FNIP2: variants seen among roughly 807,000 people sequenced by gnomAD.
The protein encoded by FNIP2 is folliculin-interacting protein 2.
Under a neutral mutation model 108.7 loss-of-function variants are expected in FNIP2, and 32 were observed. The ratio of observed to expected loss-of-function variants is 0.29; its 90% CI spans 0.22 to 0.40. FNIP2 has a LOEUF of 0.40. FNIP2 is among the 10% of genes least tolerant of loss of function. The pLI is 1.00. For missense variants in FNIP2, 1,202 were observed against 1,381.6 expected (o/e 0.87, Z 2.06); for synonymous variants, 480 against 496.7 (o/e 0.97, Z 0.45).
At chr4:158,823,335 G>A (rs977302355) in intron 1 of FNIP2, among the ~76,000 whole-genome samples, 2 of 151,952 alleles carry the variant, frequency 1.3e-5, no homozygotes, top group East Asian at 1.9e-4. Flanking sequence ...GTGCGATCTC[G>A]GCTCACTGCA....
chr4:158,862,727 C>G (rs956383897), intron 12 of FNIP2, among the ~76,000 whole-genome samples: 13 of 152,206 alleles, frequency 8.5e-5, no homozygotes, highest in Non-Finnish European at 1.3e-4. Flanking sequence ...TCAGAACATG[C>G]CTAACTCATT....
intron 1 of FNIP2, among the ~76,000 whole-genome samples, chr4:158,814,295 C>T (rs1044843435): frequency 1.3e-5 from 2 of 152,176 alleles, no homozygotes; most frequent in East Asian, 3.8e-4. Flanking sequence ...TGATTTTAGT[C>T]CTGACTTAGC....
chr4:158,886,483 G>A (rs1188631114), intron 14 of FNIP2, among the ~76,000 whole-genome samples: 1 of 152,152 alleles, frequency 6.6e-6, no homozygotes, highest in African/African-American at 2.4e-5. Context: ...GAAGGTGCCG[G>A]GCTGGCAGCT....
chr4:158,844,814 T>G (rs1312312740), intron 7 of FNIP2, among the ~76,000 whole-genome samples: 1 of 152,256 alleles, frequency 6.6e-6, no homozygotes, highest in African/African-American at 2.4e-5. Context: ...AGCAAAAATT[T>G]TTTTTCAGAG....
At chr4:158,828,989 A>G in intron 2 of FNIP2, 90 bp from the exon 3 acceptor site, 8 of 1,105,836 alleles carry the variant, frequency 7.2e-6, no homozygotes, top group Non-Finnish European at 1.0e-5. Flanking sequence ...AGGCACCAGA[A>G]TGCTTTTAAA....
intron 14 of FNIP2, among the ~76,000 whole-genome samples, chr4:158,887,121 G>A (rs1260439330): frequency 6.6e-6 from 1 of 152,126 alleles, no homozygotes; most frequent in Non-Finnish European, 1.5e-5. Context: ...TAGTTCCCAT[G>A]CCCAAACTCC....
At chr4:158,904,323 C>A (rs931393339) in intron 16 of FNIP2, 143 bp from the exon 17 acceptor site, 2 of 669,860 alleles carry the variant, frequency 3.0e-6, no homozygotes, top group Non-Finnish European at 5.0e-6. Context: ...ATCCTTCCAT[C>A]TGTTTTGCTT....
At chr4:158,801,105 G>T (rs536562633) in intron 1 of FNIP2, among the ~76,000 whole-genome samples, 2 of 152,070 alleles carry the variant, frequency 1.3e-5, no homozygotes, top group South Asian at 2.1e-4. Context: ...AGCTAACTTT[G>T]TGTGGATTAA....
chr4:158,829,659 T>C (rs1466304399), intron 3 of FNIP2, among the ~76,000 whole-genome samples: 1 of 152,022 alleles, frequency 6.6e-6, no homozygotes, highest in Non-Finnish European at 1.5e-5. Context: ...CAAGATCTAA[T>C]CTGAGTATGA....
intron 1 of FNIP2, among the ~76,000 whole-genome samples, chr4:158,785,932 T>C (rs1400731390): frequency 2.0e-5 from 3 of 152,358 alleles, no homozygotes; most frequent in Middle Eastern, 3.4e-3. Context: ...CGTCTCTCTT[T>C]AGTAAATTAT....
At chr4:158,846,451 A>G (rs1779410387) in intron 7 of FNIP2, among the ~76,000 whole-genome samples, 1 of 152,204 alleles carries the variant, frequency 6.6e-6, no homozygotes, top group African/African-American at 2.4e-5. Flanking sequence ...CACGTTAAGT[A>G]AACTGCTGGC....
chr4:158,864,590 A>G (rs140897548), intron 12 of FNIP2, among the ~76,000 whole-genome samples: 405 of 152,028 alleles, frequency 2.7e-3, no homozygotes, highest in African/African-American at 9.4e-3. Context: ...TTCTGTCTAT[A>G]TAGTCCCCTA....
intron 8 of FNIP2, 45 bp from the exon 9 acceptor site, chr4:158,859,012 A>G (rs1780141219): frequency 6.6e-7 from 1 of 1,509,024 alleles, no homozygotes; most frequent in East Asian, 2.3e-5. Context: ...CTTCAGTGTG[A>G]CTCACTGATG....
At chr4:158,827,450 T>G (rs1195087396) in intron 2 of FNIP2, among the ~76,000 whole-genome samples, 2 of 152,182 alleles carry the variant, frequency 1.3e-5, no homozygotes, top group African/African-American at 4.8e-5. Context: ...TAGGCTTTCT[T>G]AGAAGCATTC....
chr4:158,875,527 T>TATATAA (rs1560823566), intron 14 of FNIP2, among the ~76,000 whole-genome samples: 1 of 139,190 alleles, frequency 7.2e-6, no homozygotes, highest in East Asian at 2.0e-4. Context: ...TATATATATA[T>TATATAA]ATATATATAT....
At chr4:158,773,723 C>T (rs897185569) in intron 1 of FNIP2, among the ~76,000 whole-genome samples, 1 of 152,070 alleles carries the variant, frequency 6.6e-6, no homozygotes, top group Admixed American at 6.6e-5. Context: ...TTTTCACTTG[C>T]ATATTAGTTT....
intron 1 of FNIP2, among the ~76,000 whole-genome samples, chr4:158,770,717 A>G (rs1775669224): frequency 6.6e-6 from 1 of 152,184 alleles, no homozygotes; most frequent in Non-Finnish European, 1.5e-5. Flanking sequence ...GTACCTTCTC[A>G]GAATGGTAGA....
At position 158,872,247 on chromosome 4, in the gene FNIP2, C is replaced by T. The variant is rs1780994655; in HGVS notation, c.2949+1778C>T. ...CTATTGATTGATAACCCTCCTTGAA[C>T]TTATCTGTAAAACCATTCATGAAAT... On this transcript the variant is annotated intron_variant, in intron 14 of 16. Transcript: ENST00000264433. The T allele has an allele frequency of 3.0e-6, 3 of 985,312 alleles. No individual in the cohort carries two copies. The African/African-American group carries it at 5.2e-5, about 17-fold the overall frequency. 61.0% of individuals were successfully genotyped at this position (985,312 alleles called of 1,614,324 possible). A position where few individuals can be genotyped will look rare whatever the true frequency, so the allele number is the denominator to read the frequency against.
At chr4:158,831,427 A>G (rs17285681) in intron 3 of FNIP2, among the ~76,000 whole-genome samples, 2 of 152,248 alleles carry the variant, frequency 1.3e-5, no homozygotes, top group African/African-American at 4.8e-5. Flanking sequence ...ATCTGCAGCA[A>G]TGGGCATTTT....
Sources: gnomAD v4.1 joint callset for allele counts (sites outside exome capture counted in the v4.1 genomes callset) on GRCh38, gnomAD v4.1.1 for gene constraint, MANE v1.5 for transcripts, NCBI Gene and HGNC (gene_info 2026-07-23, HGNC 2026-07-21) for gene names.